PDZRN3: variants seen among roughly 807,000 people sequenced by gnomAD.
PDZRN3 encodes the protein PDZ domain containing ring finger 3, also known as E3 ubiquitin-protein ligase PDZRN3.
PDZRN3 carries 38 observed loss-of-function variants against 85.7 expected under a neutral mutation model. The ratio of observed to expected loss-of-function variants is 0.44; its 90% CI spans 0.34 to 0.58. The LOEUF is 0.58. Among genes scored for constraint, PDZRN3 ranks in the 20% least tolerant of loss-of-function variants. The pLI, the probability that PDZRN3 is intolerant of heterozygous loss-of-function variation, is 0.01. For missense variants in PDZRN3, 1,629 were observed against 1,506.4 expected (o/e 1.08, Z -1.35); for synonymous variants, 759 against 638.0 (o/e 1.19, Z -2.86).
intron 3 of PDZRN3, among the ~76,000 whole-genome samples, chr3:73,504,374 C>A (rs932328211): frequency 6.6e-6 from 1 of 152,234 alleles, no homozygotes; most frequent in Non-Finnish European, 1.5e-5. Flanking sequence ...CTCAGCCCTT[C>A]TCAGGAGAAC....
intron 3 of PDZRN3, among the ~76,000 whole-genome samples, chr3:73,529,455 C>T (rs990244253): frequency 4.6e-5 from 7 of 152,214 alleles, no homozygotes; most frequent in Non-Finnish European, 8.8e-5. Flanking sequence ...CCCCCTATGG[C>T]TCTGTACCCC....
intron 3 of PDZRN3, among the ~76,000 whole-genome samples, chr3:73,552,234 G>GTGTA (rs1427914857): frequency 6.6e-6 from 1 of 151,492 alleles, no homozygotes; most frequent in East Asian, 1.9e-4. Flanking sequence ...GAGTGTGTGT[G>GTGTA]TGTGTGTGTG....
chr3:73,532,673 A>G (rs968117945), intron 3 of PDZRN3, among the ~76,000 whole-genome samples: 1 of 152,212 alleles, frequency 6.6e-6, no homozygotes, highest in African/African-American at 2.4e-5. Flanking sequence ...GCTTTCCACT[A>G]AACACCCTGA....
intron 3 of PDZRN3, among the ~76,000 whole-genome samples, chr3:73,497,862 C>T (rs1703897675): frequency 1.3e-5 from 2 of 151,798 alleles, no homozygotes; most frequent in Admixed American, 6.6e-5. Flanking sequence ...GGGCACGACT[C>T]GAACCTCTGG....
chr3:73,528,527 A>C (rs558472187), intron 3 of PDZRN3, among the ~76,000 whole-genome samples: 5 of 152,186 alleles, frequency 3.3e-5, no homozygotes, highest in Non-Finnish European at 7.3e-5. Context: ...CTGACTCAGA[A>C]AGAGAATGAT....
rs983309266 is a variant in PDZRN3, at chr3:73,598,466, G to C, written c.918+3888C>G. Reference sequence around the variant, plus strand: ...GGACCAGGACAGCTCACAGGTAAGAGGAGTGCAGGGAAGACACAAAAAAAT... The same window carrying C: ...GGACCAGGACAGCTCACAGGTAAGACGAGTGCAGGGAAGACACAAAAAAAT... On this transcript the variant is annotated intron_variant, in intron 3 of 9. Coordinates refer to ENST00000263666, the MANE Select transcript of PDZRN3 (RefSeq NM_015009.3). Among the ~76,000 whole-genome samples the C allele has an allele frequency of 3.9e-5, 6 of 152,306 alleles. 1 individual carries two copies. Among genetic ancestry groups the C allele is most frequent in the African/African-American group, 1.4e-4 (6 of 41,566 alleles).
At chr3:73,475,922 C>T (rs868723259) in intron 3 of PDZRN3, among the ~76,000 whole-genome samples, 9 of 152,196 alleles carry the variant, frequency 5.9e-5, no homozygotes, top group Non-Finnish European at 8.8e-5. Flanking sequence ...TGCACCTACC[C>T]GCAAAATGTA....
At position 73,503,284 on chromosome 3, in the gene PDZRN3, T is replaced by C. The variant is rs116559782; in HGVS notation, c.919-98889A>G. ...ATTAGGTGCTACCTTTACAAGCAAATGTATAAGTGGTCCTTTATTTACTTG... is the reference window on the plus strand; with the variant it reads ...ATTAGGTGCTACCTTTACAAGCAAACGTATAAGTGGTCCTTTATTTACTTG... On this transcript the variant is annotated intron_variant, in intron 3 of 9. Transcript: ENST00000263666. Among the ~76,000 whole-genome samples, 1,075 of 152,332 alleles carry C rather than the reference T, an allele frequency of 7.1e-3. 10 individuals carry two copies. Among genetic ancestry groups the C allele is most frequent in the African/African-American group, 0.025 (1,032 of 41,582 alleles).
At chr3:73,462,395 A>AG (rs1703123388) in intron 3 of PDZRN3, among the ~76,000 whole-genome samples, 1 of 152,074 alleles carries the variant, frequency 6.6e-6, no homozygotes, top group Non-Finnish European at 1.5e-5. Flanking sequence ...TACAAAAAAA[A>AG]TTAGCCAGGC....
intron 3 of PDZRN3, among the ~76,000 whole-genome samples, chr3:73,547,211 T>C (rs1179144875): frequency 6.6e-6 from 1 of 152,200 alleles, no homozygotes; most frequent in Admixed American, 6.5e-5. Context: ...TGGAAACAGG[T>C]TGACTCATTT....
intron 3 of PDZRN3, among the ~76,000 whole-genome samples, chr3:73,480,479 T>C (rs28542216): frequency 1.2e-3 from 180 of 152,292 alleles, no homozygotes; most frequent in African/African-American, 4.1e-3. Context: ...GTCTAACTTC[T>C]TTGTCTGGCT....
intron 3 of PDZRN3, among the ~76,000 whole-genome samples, chr3:73,564,604 C>G (rs1176958817): frequency 6.6e-6 from 1 of 152,200 alleles, no homozygotes; most frequent in African/African-American, 2.4e-5. Context: ...GGTCCAATCC[C>G]TCTTAGGGCT....
chr3:73,479,679 C>T (rs918229488), intron 3 of PDZRN3, among the ~76,000 whole-genome samples: 4 of 152,180 alleles, frequency 2.6e-5, no homozygotes, highest in African/African-American at 7.2e-5. Context: ...AATAACATAA[C>T]CAGATGGATG....
At chr3:73,403,067 C>T (rs1481225970) in intron 4 of PDZRN3, among the ~76,000 whole-genome samples, 3 of 151,944 alleles carry the variant, frequency 2.0e-5, no homozygotes, top group Non-Finnish European at 4.4e-5. Context: ...CCTCAGCCTC[C>T]CGAGTAGCTG....
chr3:73,527,636 T>C (rs758576388), intron 3 of PDZRN3, among the ~76,000 whole-genome samples: 6 of 152,084 alleles, frequency 3.9e-5, no homozygotes, highest in Non-Finnish European at 8.8e-5. Flanking sequence ...CTCAGGTCTA[T>C]GAATAAAGTT....
chr3:73,471,236 C>G, intron 3 of PDZRN3, among the ~76,000 whole-genome samples: 1 of 152,102 alleles, frequency 6.6e-6, no homozygotes, highest in Non-Finnish European at 1.5e-5. Context: ...GGTGCATCTT[C>G]CAGCCCAGGA....
In PDZRN3 at chr3:73,612,667, T is replaced by C. The variant is rs1340473502; in HGVS notation, c.724-3983A>G. On this transcript the variant is annotated intron_variant, in intron 1 of 9. Transcript: ENST00000263666. Reference sequence around the variant, plus strand: ...TGGCTGAGAAATGTGTTTTGGGCATTGTCTTAATTGTCCCTTGAGAGAGAT... The same window carrying C: ...TGGCTGAGAAATGTGTTTTGGGCATCGTCTTAATTGTCCCTTGAGAGAGAT... Among the ~76,000 whole-genome samples, 3 of 152,200 alleles carry C rather than the reference T, an allele frequency of 2.0e-5. 1 individual carries two copies. The highest frequency in any genetic ancestry group is 2.0e-4 in the Admixed American group (3 of 15,284).
At chr3:73,552,440 TATCTC>T (rs1428845791) in intron 3 of PDZRN3, among the ~76,000 whole-genome samples, 5 of 152,310 alleles carry the variant, frequency 3.3e-5, no homozygotes, top group South Asian at 2.1e-4. Context: ...TTTACACAAT[TATCTC>T]ATTCATTCCT....
intron 3 of PDZRN3, among the ~76,000 whole-genome samples, chr3:73,546,012 C>T (rs1464984947): frequency 6.6e-6 from 1 of 152,212 alleles, no homozygotes; most frequent in Non-Finnish European, 1.5e-5. Flanking sequence ...TCCACAAGAA[C>T]AGTAGCTGCC....
Sources: allele counts gnomAD v4.1 joint callset (sites outside exome capture counted in the v4.1 genomes callset), GRCh38; gene constraint gnomAD v4.1.1; transcripts MANE v1.5; gene names NCBI Gene and HGNC (gene_info 2026-07-23, HGNC 2026-07-21).